PTPRD: variants seen among roughly 807,000 people sequenced by gnomAD.
PTPRD encodes the protein protein tyrosine phosphatase receptor type D.
PTPRD carries 34 observed loss-of-function variants against 214.5 expected under a neutral mutation model. The observed-to-expected ratio is 0.16, with a 90% CI of 0.12 to 0.21. The LOEUF is 0.21. PTPRD is among the 10% of genes least tolerant of loss of function. The pLI, the probability that PTPRD is intolerant of heterozygous loss-of-function variation, is 1.00. For missense variants in PTPRD, 2,545 were observed against 2,398.7 expected (o/e 1.06, Z -1.27); for synonymous variants, 1,128 against 845.7 (o/e 1.33, Z -5.79).
chr9:10,028,395 AAC>A (rs1379096266), intron 4 of PTPRD, among the ~76,000 whole-genome samples: 1 of 152,192 alleles, frequency 6.6e-6, no homozygotes, highest in Non-Finnish European at 1.5e-5. Context: ...AAAAATGTGG[AAC>A]TGACTTCAGA....
Position 9,373,062 on chromosome 9 carries a change from C to G in PTPRD, c.-203+24387G>C, listed in dbSNP as rs183241010. Among the ~76,000 whole-genome samples, 2 of 152,188 alleles carry G rather than the reference C, an allele frequency of 1.3e-5. 1 individual carries two copies. The highest frequency in any genetic ancestry group is 3.9e-4 in the East Asian group (2 of 5,156). On this transcript the variant is annotated intron_variant, in intron 9 of 45. Coordinates refer to ENST00000381196, the MANE Select transcript of PTPRD (RefSeq NM_002839.4). ...GTTATGTATCTTTAATTGCCACTAT[C>G]TCTGATGCCATGCTCAATCTGACAG... is the stretch of plus-strand genomic sequence containing the variant.
chr9:9,273,659 A>G (rs1413132487), intron 9 of PTPRD, among the ~76,000 whole-genome samples: 1 of 151,290 alleles, frequency 6.6e-6, no homozygotes, highest in African/African-American at 2.4e-5. Context: ...GGCTGACTCT[A>G]TTCCATAGAA....
intron 11 of PTPRD, among the ~76,000 whole-genome samples, chr9:8,852,620 C>T (rs1341985929): frequency 6.6e-6 from 1 of 152,210 alleles, no homozygotes; most frequent in Non-Finnish European, 1.5e-5. Context: ...TGCTGGTATA[C>T]ATGACCTACT....
chr9:10,142,107 TTATA>T (rs1351225100), intron 3 of PTPRD, among the ~76,000 whole-genome samples: 1 of 152,016 alleles, frequency 6.6e-6, no homozygotes, highest in African/African-American at 2.4e-5. Flanking sequence ...TCCTTACACC[TTATA>T]CAAAAATCAA....
At chr9:8,757,283 G>A (rs896828718) in intron 11 of PTPRD, among the ~76,000 whole-genome samples, 3 of 152,166 alleles carry the variant, frequency 2.0e-5, no homozygotes, top group African/African-American at 7.2e-5. Context: ...TATAGGGAAT[G>A]TGAACAATTA....
At chr9:8,639,343 G>T (rs966127045) in intron 12 of PTPRD, among the ~76,000 whole-genome samples, 1 of 152,080 alleles carries the variant, frequency 6.6e-6, no homozygotes, top group Non-Finnish European at 1.5e-5. Context: ...AATTTCTAGG[G>T]AATTTCCCTA....
chr9:8,910,953 A>G (rs2098742653), intron 11 of PTPRD, among the ~76,000 whole-genome samples: 3 of 152,238 alleles, frequency 2.0e-5, no homozygotes, highest in African/African-American at 7.2e-5. Flanking sequence ...TTAAGAACAT[A>G]TAAATTAATG....
intron 9 of PTPRD, among the ~76,000 whole-genome samples, chr9:9,299,327 C>T (rs1015778520): frequency 2.6e-5 from 4 of 151,640 alleles, no homozygotes; most frequent in African/African-American, 9.7e-5. Context: ...TTGGCAATGT[C>T]TGGTAACATA....
intron 8 of PTPRD, among the ~76,000 whole-genome samples, chr9:9,536,676 T>C (rs1156782766): frequency 6.6e-6 from 1 of 152,014 alleles, no homozygotes; most frequent in African/African-American, 2.4e-5. Context: ...TATTTTAGTC[T>C]AAGCCTACAT....
chr9:9,941,179 C>T (rs1603175187), intron 4 of PTPRD, among the ~76,000 whole-genome samples: 1 of 152,274 alleles, frequency 6.6e-6, no homozygotes, highest in African/African-American at 2.4e-5. Flanking sequence ...CTGTGGGCTA[C>T]AGGATGGACA....
chr9:9,407,567 C>A (rs2073951534), intron 8 of PTPRD, among the ~76,000 whole-genome samples: 1 of 151,684 alleles, frequency 6.6e-6, no homozygotes, highest in Non-Finnish European at 1.5e-5. Context: ...AACACAAAAT[C>A]TATTTTTTTG....
At chr9:8,609,870 G>A (rs551543287) in intron 14 of PTPRD, among the ~76,000 whole-genome samples, 1 of 152,064 alleles carries the variant, frequency 6.6e-6, no homozygotes, top group Non-Finnish European at 1.5e-5. Context: ...ATAATATAAA[G>A]GAGAAAAAAT....
rs1453906939 is a variant in PTPRD at position 9,943,055 on chromosome 9, C to G, written c.-471-4445G>C. Among the ~76,000 whole-genome samples the G allele has an allele frequency of 2.0e-5, 3 of 152,142 alleles. No homozygotes were observed. In the East Asian group the frequency reaches 5.8e-4, roughly 29 times the overall value. On this transcript the variant is annotated intron_variant, in intron 4 of 45. Coordinates refer to ENST00000381196, the MANE Select transcript of PTPRD (RefSeq NM_002839.4). ...GGGCAAAAGCTGATAGTGGATATAG[C>G]TGGATGTCAGTCTTACATAGGCTGT... is the stretch of plus-strand genomic sequence containing the variant.
rs151082022 is a variant in PTPRD at position 8,357,322 on chromosome 9, C to G, written c.4662-15344G>C. On this transcript the variant is annotated intron_variant, in intron 39 of 45. Transcript: ENST00000381196. ...CTATTCCCTCTGTTTGAAGACAATGCCTCATTTTAGCAGCTCACCAAGAGA... is the reference window on the plus strand; with the variant it reads ...CTATTCCCTCTGTTTGAAGACAATGGCTCATTTTAGCAGCTCACCAAGAGA... 3.2e-3 allele frequency among the ~76,000 whole-genome samples: 493 copies of G among 152,286 alleles called. 1 individual carries two copies. The highest frequency in any genetic ancestry group is 4.7e-3 in the Non-Finnish European group (317 of 68,032).
intron 3 of PTPRD, among the ~76,000 whole-genome samples, chr9:10,081,365 C>T (rs189039896): frequency 3.9e-5 from 6 of 152,134 alleles, no homozygotes; most frequent in East Asian, 1.9e-4. Flanking sequence ...TTGGACTGAA[C>T]GCTTGTATCC....
intron 3 of PTPRD, among the ~76,000 whole-genome samples, chr9:10,296,425 T>C (rs922961261): frequency 2.0e-5 from 3 of 152,060 alleles, no homozygotes; most frequent in African/African-American, 7.2e-5. Context: ...ATCACTCACT[T>C]AGACATCTCA....
intron 5 of PTPRD, among the ~76,000 whole-genome samples, chr9:9,921,209 C>T (rs1202849284): frequency 1.9e-4 from 29 of 152,014 alleles, no homozygotes. Flanking sequence ...AACTGCTTTT[C>T]AAAAGTGCTG....
chr9:8,384,405 G>T (rs530835808), intron 37 of PTPRD, among the ~76,000 whole-genome samples: 6 of 151,918 alleles, frequency 3.9e-5, no homozygotes, highest in Non-Finnish European at 7.4e-5. Flanking sequence ...ATGGAAACTA[G>T]GGAAAAAAAA....
chr9:10,351,599 A>G lies in PTPRD; in HGVS notation c.-599-10582T>C, dbSNP rs1168529904. On this transcript the variant is annotated intron_variant, in intron 2 of 45. Transcript: ENST00000381196. ...TGTGGGAAACAGAGGATCAAAAGCT[A>G]TAATTTATCCAAGAAATAATACTGG... Among the ~76,000 whole-genome samples the G allele has an allele frequency of 2.0e-5, 3 of 152,006 alleles. No individual in the cohort carries two copies. The East Asian group carries it at 5.8e-4, about 29-fold the overall frequency.
Sources: gnomAD v4.1 joint callset for allele counts (sites outside exome capture counted in the v4.1 genomes callset) on GRCh38, gnomAD v4.1.1 for gene constraint, MANE v1.5 for transcripts, NCBI Gene and HGNC (gene_info 2026-07-23, HGNC 2026-07-21) for gene names.